The following NCKAP1 variants were observed in gnomAD, a reference collection of about 807,000 sequenced individuals.
NCKAP1 encodes NCK associated protein 1.
NCKAP1 carries 21 observed loss-of-function variants against 151.2 expected under a neutral mutation model. The observed-to-expected ratio is 0.14, with a 90% confidence interval of 0.10 to 0.20. The LOEUF (loss-of-function observed/expected upper bound fraction) is 0.20, where lower values mean the gene tolerates loss of function less well. Ranked by LOEUF, NCKAP1 falls within the 10% of genes least tolerant of loss-of-function variation. The pLI is 1.00. For synonymous variants in NCKAP1, 484 were observed against 451.8 expected (o/e 1.07, Z -0.90); for missense variants, 933 against 1,352.1 (o/e 0.69, Z 4.86).
At chr2:182,988,370 A>T (rs538770004) in intron 9 of NCKAP1, among the ~76,000 whole-genome samples, 16 of 152,336 alleles carry the variant, frequency 1.1e-4, no homozygotes, top group African/African-American at 3.6e-4. Flanking sequence ...ATTCAACATA[A>T]GTATAGCAGA....
chr2:183,032,236 G>C (rs1239726322), intron 1 of NCKAP1, among the ~76,000 whole-genome samples: 1 of 152,274 alleles, frequency 6.6e-6, no homozygotes, highest in East Asian at 1.9e-4. Context: ...AAGTATCAGA[G>C]CATTATCTAG....
intron 26 of NCKAP1, among the ~76,000 whole-genome samples, chr2:182,931,327 A>G (rs1027504247): frequency 1.3e-5 from 2 of 152,126 alleles, no homozygotes; most frequent in African/African-American, 4.8e-5. Context: ...CAAATATTCA[A>G]GGCATTCTGA....
chr2:183,037,358 G>A (rs1220992632), intron 1 of NCKAP1, among the ~76,000 whole-genome samples: 2 of 152,162 alleles, frequency 1.3e-5, no homozygotes, highest in African/African-American at 2.4e-5. Flanking sequence ...CAGCCTAGAA[G>A]TATTTCAGAA....
At chr2:182,942,533 C>A (rs1697017795) in intron 23 of NCKAP1, among the ~76,000 whole-genome samples, 1 of 151,936 alleles carries the variant, frequency 6.6e-6, no homozygotes, top group African/African-American at 2.4e-5. Context: ...TAAAGTTAAA[C>A]CTGGCCAAAG....
intron 1 of NCKAP1, among the ~76,000 whole-genome samples, chr2:183,028,971 T>C (rs1037487933): frequency 1.9e-5 from 2 of 108,004 alleles, no homozygotes; most frequent in Non-Finnish European, 4.1e-5. Flanking sequence ...AAAAAAAAAA[T>C]AGCCAGGTAT....
chr2:182,989,722 TA>T (rs1355763205), intron 8 of NCKAP1, among the ~76,000 whole-genome samples: 1 of 151,556 alleles, frequency 6.6e-6, no homozygotes, highest in African/African-American at 2.4e-5. Flanking sequence ...AATTTTTTTT[TA>T]ATGGCCAGGT....
intron 1 of NCKAP1, 58 bp from the exon 2 acceptor site, chr2:183,023,974 T>C (rs1219485530): frequency 4.1e-6 from 5 of 1,227,034 alleles, no homozygotes; most frequent in Non-Finnish European, 5.9e-6. Context: ...AAATCAAAAA[T>C]AGCAAATCTG....
Position 182,981,376 on chromosome 2 carries a change from C to T in NCKAP1, c.1209G>A (p.Lys403=). The T allele has an allele frequency of 6.2e-7, 1 of 1,603,606 alleles. No individual in the cohort carries two copies. Among genetic ancestry groups the T allele is most frequent in the Non-Finnish European group, 8.5e-7 (1 of 1,173,400 alleles). The change falls in exon 13 of 31, where the codon AAG becomes AAA. Residue 403 remains lysine (K), a splice_region_variant and synonymous_variant. Coordinates refer to ENST00000361354, the MANE Select transcript of NCKAP1 (RefSeq NM_013436.5). ...TGTAAAATATTAATTCAGCAATGTG[C>T]CTTTTTTAAAATTTCAAGAAAAATA... ...PKKSADDFID[K]HIAELIFYME...
chr2:182,985,086 A>C (rs1176877056), intron 10 of NCKAP1, among the ~76,000 whole-genome samples: 1 of 152,200 alleles, frequency 6.6e-6, no homozygotes, highest in African/African-American at 2.4e-5. Context: ...ATCATTTTTG[A>C]AAAATTAAGC....
Position 183,038,132 on chromosome 2 carries a change from C to T in NCKAP1, c.-33G>A, listed in dbSNP as rs1699143083. The T allele has an allele frequency of 2.7e-6, 4 of 1,493,872 alleles. No individual in the cohort carries two copies. The highest frequency in any genetic ancestry group is 2.7e-6 in the Non-Finnish European group (3 of 1,124,052). 92.5% of individuals were successfully genotyped at this position (1,493,872 alleles called of 1,614,324 possible). ...CTGGTGCCGCCGCCGCCGCCGGCCG[C>T]CTCGCGCCCAGTCACGGGCCCGCGG... is the stretch of plus-strand genomic sequence containing the variant. On this transcript the variant is annotated 5_prime_UTR_variant, in exon 1 of 31. Coordinates refer to ENST00000361354, the MANE Select transcript of NCKAP1 (RefSeq NM_013436.5).
chr2:182,932,777 T>C (rs1696792548), intron 26 of NCKAP1, among the ~76,000 whole-genome samples: 1 of 152,174 alleles, frequency 6.6e-6, no homozygotes, highest in African/African-American at 2.4e-5. Flanking sequence ...CTTATAATTC[T>C]GCACATCAGT....
intron 6 of NCKAP1, among the ~76,000 whole-genome samples, chr2:182,997,199 C>T (rs1698287557): frequency 6.6e-6 from 1 of 152,172 alleles, no homozygotes; most frequent in Non-Finnish European, 1.5e-5. Context: ...TTTCAAAAAA[C>T]TAACTTTTTG....
chr2:182,976,554 G>C (rs1014700964), intron 15 of NCKAP1, among the ~76,000 whole-genome samples: 2 of 152,164 alleles, frequency 1.3e-5, no homozygotes, highest in African/African-American at 4.8e-5. Context: ...GAAAAAGTTT[G>C]CTGATGCCCA....
At chr2:183,018,027 T>C (rs970463107) in intron 2 of NCKAP1, among the ~76,000 whole-genome samples, 10 of 152,184 alleles carry the variant, frequency 6.6e-5, no homozygotes, top group South Asian at 2.1e-4. Flanking sequence ...GGCGGACGGA[T>C]TGCCTGAGGT....
intron 23 of NCKAP1, among the ~76,000 whole-genome samples, chr2:182,944,546 T>C (rs965383940): frequency 1.3e-5 from 2 of 152,168 alleles, no homozygotes; most frequent in Non-Finnish European, 2.9e-5. Flanking sequence ...TTTCTTCTCC[T>C]GAAAGGAATA....
intron 27 of NCKAP1, among the ~76,000 whole-genome samples, chr2:182,929,916 G>A (rs1575011946): frequency 6.6e-6 from 1 of 151,824 alleles, no homozygotes; most frequent in Non-Finnish European, 1.5e-5. Context: ...CATTTCTAAG[G>A]GCTGGTCTTA....
At chr2:182,992,778 A>G (rs1206136571) in intron 8 of NCKAP1, among the ~76,000 whole-genome samples, 1 of 152,200 alleles carries the variant, frequency 6.6e-6, no homozygotes, top group Non-Finnish European at 1.5e-5. Context: ...GTATCAGTCC[A>G]TAATGAGACT....
intron 27 of NCKAP1, among the ~76,000 whole-genome samples, chr2:182,929,223 A>T (rs1036378813): frequency 3.3e-5 from 5 of 152,002 alleles, no homozygotes; most frequent in Non-Finnish European, 7.4e-5. Context: ...GCAATCCTAC[A>T]ATTTCCTAAT....
intron 6 of NCKAP1, 75 bp downstream of exon 6, chr2:183,001,878 T>C (rs1385668869): frequency 1.9e-5 from 24 of 1,277,342 alleles, no homozygotes; most frequent in Middle Eastern, 1.9e-4. Context: ...AACAAGATTA[T>C]CCCTTTATCC....
Sources: gnomAD v4.1 joint callset for allele counts (sites outside exome capture counted in the v4.1 genomes callset) on GRCh38, gnomAD v4.1.1 for gene constraint, MANE v1.5 for transcripts, NCBI Gene and HGNC (gene_info 2026-07-23, HGNC 2026-07-21) for gene names.